The following HECTD4 variants were observed in gnomAD, a reference collection of about 807,000 sequenced individuals.
HECTD4 encodes HECT domain E3 ubiquitin protein ligase 4.
Under a neutral mutation model 471.5 loss-of-function variants are expected in HECTD4, and 114 were observed. The ratio of observed to expected loss-of-function variants is 0.24; its 90% CI spans 0.21 to 0.28. The LOEUF is 0.28. Among genes scored for constraint, HECTD4 ranks in the 10% least tolerant of loss-of-function variants. The pLI, the probability that HECTD4 is intolerant of heterozygous loss-of-function variation, is 1.00. For synonymous variants in HECTD4, 2,012 were observed against 2,256.0 expected (o/e 0.89, Z 3.07); for missense variants, 3,866 against 5,651.5 (o/e 0.68, Z 10.13).
chr12:112,203,613 A>T lies in HECTD4; in HGVS notation c.8406+23T>A, dbSNP rs1422168900. ...CTCAGTATATATAAAATAGCTTATT[A>T]ATCAGAATGGCTGTTCACTCACTGA... On this transcript the variant is annotated intron_variant, in intron 54 of 75. Coordinates refer to ENST00000682272, the MANE Select transcript of HECTD4 (RefSeq NM_001388303.1). The T allele has an allele frequency of 3.1e-6, 5 of 1,602,000 alleles. No homozygotes were observed. In the Admixed American group the frequency reaches 6.8e-5, roughly 22 times the overall value.
intron 1 of HECTD4, among the ~76,000 whole-genome samples, chr12:112,346,279 G>C (rs2036148210): frequency 6.6e-6 from 1 of 152,152 alleles, no homozygotes; most frequent in Admixed American, 6.5e-5. Flanking sequence ...TTGAGCACTG[G>C]TGAAAAAATC....
intron 10 of HECTD4, 122 bp from the exon 11 acceptor site, chr12:112,273,917 C>T: frequency 9.5e-7 from 1 of 1,051,672 alleles, no homozygotes; most frequent in Non-Finnish European, 1.3e-6. Context: ...AACCCACAAC[C>T]CTAGTCCCAC....
intron 1 of HECTD4, among the ~76,000 whole-genome samples, chr12:112,367,694 A>T (rs2036591372): frequency 6.6e-6 from 1 of 151,538 alleles, no homozygotes; most frequent in Non-Finnish European, 1.5e-5. Context: ...GGTGGCATGC[A>T]CCTGTAATCC....
intron 52 of HECTD4, among the ~76,000 whole-genome samples, chr12:112,207,116 G>GTGTGTATGTA (rs1555250152): frequency 6.8e-6 from 1 of 147,332 alleles, no homozygotes; most frequent in African/African-American, 2.6e-5. Flanking sequence ...ATGTGTGTGT[G>GTGTGTATGTA]TGTATGTATG....
At chr12:112,336,944 C>T (rs1445523276) in intron 1 of HECTD4, among the ~76,000 whole-genome samples, 1 of 152,146 alleles carries the variant, frequency 6.6e-6, no homozygotes, top group Non-Finnish European at 1.5e-5. Flanking sequence ...TGATCACTGG[C>T]TGTGATCAAG....
At chr12:112,167,707 GT>G in intron 71 of HECTD4, 106 bp downstream of exon 71, 1 of 1,147,798 alleles carries the variant, frequency 8.7e-7, no homozygotes, top group South Asian at 1.3e-5. Flanking sequence ...GATTGGGAGG[GT>G]TTCTGAAACG....
At chr12:112,292,150 C>T (rs979386497) in intron 7 of HECTD4, among the ~76,000 whole-genome samples, 9 of 152,126 alleles carry the variant, frequency 5.9e-5, no homozygotes, top group African/African-American at 2.2e-4. Flanking sequence ...AACTTCATCT[C>T]CCATTACTCA....
chr12:112,165,854 G>A (rs1003964079), intron 72 of HECTD4, among the ~76,000 whole-genome samples: 1 of 152,198 alleles, frequency 6.6e-6, no homozygotes, highest in Non-Finnish European at 1.5e-5. Context: ...CGACAGGGTC[G>A]GACCCAAAGG....
At chr12:112,245,407 GACAGT>G (rs2033738113) in intron 29 of HECTD4, among the ~76,000 whole-genome samples, 1 of 152,164 alleles carries the variant, frequency 6.6e-6, no homozygotes, top group African/African-American at 2.4e-5. Context: ...GAGCCTCTGG[GACAGT>G]ACTAACAGCC....
chr12:112,217,634 G>A (rs1201444836), intron 45 of HECTD4, among the ~76,000 whole-genome samples: 3 of 152,232 alleles, frequency 2.0e-5, no homozygotes, highest in African/African-American at 7.2e-5. Flanking sequence ...GATTATAGGC[G>A]TGAGCCGCCA....
chr12:112,362,633 G>A (rs2036471697), intron 1 of HECTD4, among the ~76,000 whole-genome samples: 1 of 152,150 alleles, frequency 6.6e-6, no homozygotes, highest in South Asian at 2.1e-4. Flanking sequence ...AGTTGGTGGT[G>A]GTGGAGGCAG....
chr12:112,223,712 G>A (rs2033158331), intron 44 of HECTD4, among the ~76,000 whole-genome samples: 1 of 152,240 alleles, frequency 6.6e-6, no homozygotes, highest in Admixed American at 6.5e-5. Flanking sequence ...GAGCCACCAC[G>A]TCCGGCCTTC....
Position 112,235,085 on chromosome 12 carries a change from T to C in HECTD4, c.5907A>G (p.Pro1969=). 1 of 1,570,028 alleles carries C rather than the reference T, an allele frequency of 6.4e-7. No individual in the cohort carries two copies. The highest frequency in any genetic ancestry group is 8.6e-7 in the Non-Finnish European group (1 of 1,156,896). The change falls in exon 37 of 76, where the codon CCA becomes CCG. Residue 1969 remains proline (P), a synonymous_variant. Coordinates refer to ENST00000682272, the MANE Select transcript of HECTD4 (RefSeq NM_001388303.1). This position sits in a 1 kb window ranked among gnomAD's most constrained non-coding sequence, Gnocchi z 5.0. ...ACAATCATTATGGTCACCTTAGCAA[T>C]GGCTGGAGGACTTCATGGGATGACT... The part of the protein sequence containing the change: ...EDQSSHEVLQ[P]LLSSSEGRPF...
At chr12:112,186,120 G>A (rs1451054975) in intron 60 of HECTD4, among the ~76,000 whole-genome samples, 1 of 151,934 alleles carries the variant, frequency 6.6e-6, no homozygotes, top group African/African-American at 2.4e-5. Flanking sequence ...TTACAGGAGT[G>A]TGAGACCATG....
chr12:112,248,354 A>C lies in HECTD4; in HGVS notation c.4109T>G (p.Phe1370Cys). The change falls in exon 26 of 76, where the codon TTT becomes TGT. Residue 1370 changes from phenylalanine to cysteine, a missense_variant. Transcript: ENST00000682272. ...TCTCTCCATGGCATTGAGTTTCTTAAAGGTCTCTCCCATAATTTTACATAA... is the reference window on the plus strand; with the variant it reads ...TCTCTCCATGGCATTGAGTTTCTTACAGGTCTCTCCCATAATTTTACATAA... The part of the protein sequence containing the change: ...DLLCKIMGET[F>C]KKLNAMERQL... 1 of 1,605,746 alleles carries C rather than the reference A, an allele frequency of 6.2e-7. No individual in the cohort carries two copies. The highest frequency in any genetic ancestry group is 1.3e-5 in the African/African-American group (1 of 74,560).
At chr12:112,377,284 AT>A (rs1237104933) in intron 1 of HECTD4, among the ~76,000 whole-genome samples, 115 of 151,964 alleles carry the variant, frequency 7.6e-4, no homozygotes, top group Middle Eastern at 3.4e-3. Context: ...AAAAAAAAAA[AT>A]AAAACAAAAA....
intron 58 of HECTD4, 99 bp downstream of exon 58, chr12:112,192,962 A>C: frequency 6.9e-7 from 1 of 1,442,720 alleles, no homozygotes. Context: ...ATTTGCATTA[A>C]AGAATCAGTG....
intron 44 of HECTD4, among the ~76,000 whole-genome samples, chr12:112,225,571 C>A (rs2033211728): frequency 7.2e-6 from 1 of 139,488 alleles, no homozygotes; most frequent in Non-Finnish European, 1.5e-5. Flanking sequence ...CACAGGGATA[C>A]AGTCATCAAA....
rs141570167 is a variant in HECTD4, at chr12:112,301,009, C to T, written c.1335+5055G>A. On this transcript the variant is annotated intron_variant, in intron 7 of 75. Coordinates refer to ENST00000682272, the MANE Select transcript of HECTD4 (RefSeq NM_001388303.1). ...AAGGAATTCTCCTGCCTCAGCCTCC[C>T]GAGTAGCTGGGACTACAGGTGCCTG... is the stretch of plus-strand genomic sequence containing the variant. Among the ~76,000 whole-genome samples the T allele has an allele frequency of 7.5e-3, 1,134 of 152,128 alleles. 18 individuals are homozygous for T. Among genetic ancestry groups the T allele is most frequent in the African/African-American group, 0.026 (1,068 of 41,510 alleles).
Sources: gnomAD v4.1 joint callset for allele counts (sites outside exome capture counted in the v4.1 genomes callset) on GRCh38, gnomAD v4.1.1 for gene constraint, Gnocchi (gnomAD v3.1) non-coding constraint, MANE v1.5 for transcripts, NCBI Gene and HGNC (gene_info 2026-07-23, HGNC 2026-07-21) for gene names.